Variants in MRGPRF observed in about 807,000 individuals in gnomAD.
The protein encoded by MRGPRF is MAS related GPR family member F, also known as mas-related G protein-coupled receptor member F.
Under a neutral mutation model 3.3 loss-of-function variants are expected in MRGPRF, and 2 were observed. The observed-to-expected ratio is 0.61, with a 90% CI of 0.25 to 1.92. The LOEUF is 1.92. MRGPRF is among the 40% of genes most tolerant of loss of function. The probability of loss-of-function intolerance (pLI) is 0.16; values close to 1 mark genes in which losing one functional copy is unlikely to be tolerated. For missense variants in MRGPRF, 500 were observed against 476.0 expected, an observed-to-expected ratio of 1.05 and a Z score of -0.47; for synonymous variants, 242 against 222.7, an observed-to-expected ratio of 1.09 and a Z score of -0.77.
rs1041626937 is a variant in MRGPRF, at chr11:69,004,662, G to A, written c.*616C>T. On this transcript the variant is annotated 3_prime_UTR_variant, in exon 3 of 3. Transcript: ENST00000309099. ...AGAAAAGGCAGGTCAACTACCCAAG[G>A]CGGCCAAAGGCCCTTCCTGTCTCCA... 10 of 152,230 alleles carry A rather than the reference G, an allele frequency of 6.6e-5. No individual in the cohort carries two copies. The highest frequency in any genetic ancestry group is 2.2e-4 in the African/African-American group (9 of 41,440). 9.4% of individuals were successfully genotyped at this position (152,230 alleles called of 1,614,324 possible).
chr11:69,009,644 T>C, intron 2 of MRGPRF: 1 of 677,242 alleles, frequency 1.5e-6, no homozygotes. Flanking sequence ...GTCCTGGTGC[T>C]TGCCTCACTG....
At chr11:69,011,295 G>T (rs969495047) in intron 1 of MRGPRF, among the ~76,000 whole-genome samples, 3 of 152,182 alleles carry the variant, frequency 2.0e-5, no homozygotes, top group Non-Finnish European at 4.4e-5. Flanking sequence ...TGGCCCCAGG[G>T]GCCGCTCCCA....
In MRGPRF at chr11:69,005,501, G is replaced by A. The variant is rs1179199456; in HGVS notation, c.809C>T (p.Pro270Leu). 5 of 1,580,712 alleles carry A rather than the reference G, an allele frequency of 3.2e-6. No individual in the cohort carries two copies. The Admixed American group carries it at 9.1e-5, about 29-fold the overall frequency. The change falls in exon 3 of 3, where the codon CCC becomes CTC. Residue 270 changes from proline to leucine, a missense_variant. By Grantham distance (98) the Pro-to-Leu change is moderately conservative (BLOSUM62 -3). Transcript: ENST00000309099. ...FLFWVFQIPA[P>L]FPEYVTDLCI... The stretch of plus-strand genomic sequence containing the variant: ...CAGGTCAGTGACGTACTCGGGGAAG[G>A]GGGCCGGGATCTGGAAGACCCAGAA...
In MRGPRF at chr11:69,005,906, G is replaced by T; in HGVS notation, c.404C>A (p.Pro135Gln). 1 of 1,573,336 alleles carries T rather than the reference G, an allele frequency of 6.4e-7. No individual in the cohort carries two copies. Among genetic ancestry groups the T allele is most frequent in the Non-Finnish European group, 8.6e-7 (1 of 1,160,224 alleles). ...CMFLTGVSLL[P>Q]AVSAERCASV... ...GGCGCAGCGCTCGGCGCTGACGGCC[G>T]GCAGGAGGCTCACGCCGGTAAGGAA... The change falls in exon 3 of 3, where the codon CCG (proline) becomes CAG (glutamine). Residue 135 changes from proline to glutamine, a missense_variant. Coordinates refer to ENST00000309099, the MANE Select transcript of MRGPRF (RefSeq NM_145015.5).
chr11:69,005,040 T>C lies in MRGPRF; in HGVS notation c.*238A>G. 2 of 519,688 alleles carry C rather than the reference T, an allele frequency of 3.8e-6. No homozygotes were observed. The highest frequency in any genetic ancestry group is 3.3e-6 in the Non-Finnish European group (1 of 304,692). The allele number at this position is 519,688 out of a possible 1,614,324, so 32.2% of individuals were successfully genotyped here. ...CTGGGGGCAACTTCTGTACAAGAGG[T>C]CTCTAGGGGAGCAGAATGGGTGGGG... On this transcript the variant is annotated 3_prime_UTR_variant, in exon 3 of 3. Coordinates refer to ENST00000309099, the MANE Select transcript of MRGPRF (RefSeq NM_145015.5).
intron 1 of MRGPRF, among the ~76,000 whole-genome samples, chr11:69,010,240 T>C (rs1309693000): frequency 2.0e-5 from 3 of 152,274 alleles, no homozygotes; most frequent in African/African-American, 7.2e-5. Context: ...GTGAGAGTTC[T>C]GGAGCCAGGC....
Position 69,006,277 on chromosome 11 carries a change from G to A in MRGPRF, c.49-16C>T, listed in dbSNP as rs1424838627. 6.3e-7 allele frequency: 1 copy of A among 1,587,202 alleles called. No individual in the cohort carries two copies. The highest frequency in any genetic ancestry group is 1.3e-5 in the African/African-American group (1 of 74,362). On this transcript the variant is annotated splice_polypyrimidine_tract_variant and intron_variant, in intron 2 of 2. Coordinates refer to ENST00000309099, the MANE Select transcript of MRGPRF (RefSeq NM_145015.5). ...CAGGGCACATCTGCGCAGGTGCAGA[G>A]AGGGACACCTGTGATGCCGGCTGGC...
intron 2 of MRGPRF, among the ~76,000 whole-genome samples, chr11:69,006,672 AGC>A (rs1324177061): frequency 8.0e-6 from 1 of 125,028 alleles, no homozygotes; most frequent in Non-Finnish European, 1.6e-5. Flanking sequence ...ACCAGGCTGG[AGC>A]GTGCAGTGGC....
chr11:69,009,767 G>A lies in MRGPRF; in HGVS notation c.48+87C>T, dbSNP rs773626302. 6 of 1,464,976 alleles carry A rather than the reference G, an allele frequency of 4.1e-6. No individual in the cohort carries two copies. The Admixed American group carries it at 5.1e-5, about 12-fold the overall frequency. The allele number at this position is 1,464,976 out of a possible 1,614,324, so 90.7% of individuals were successfully genotyped here. A position where few individuals can be genotyped will look rare whatever the true frequency, so the allele number is the denominator to read the frequency against. ...TGGAAAGTGGGGCCAGGAAGGGGGG[G>A]ATGGGGGAGGAGATGCTGGGCTGGG... On this transcript the variant is annotated intron_variant, in intron 2 of 2. Coordinates refer to ENST00000309099, the MANE Select transcript of MRGPRF (RefSeq NM_145015.5).
Position 69,005,885 on chromosome 11 carries a change from C to G in MRGPRF, c.425G>C (p.Cys142Ser), listed in dbSNP as rs1482803051. ...SLLPAVSAERCASVIFPAWYW... is the reference protein window; with the variant it reads ...SLLPAVSAERSASVIFPAWYW... ...CCAGGCGGGGAAGATGACCGAGGCGCAGCGCTCGGCGCTGACGGCCGGCAG... is the reference window on the plus strand; with the variant it reads ...CCAGGCGGGGAAGATGACCGAGGCGGAGCGCTCGGCGCTGACGGCCGGCAG... The change falls in exon 3 of 3, where the codon TGC becomes TCC. Residue 142 changes from cysteine to serine, a missense_variant. By Grantham distance (112) the Cys-to-Ser change is moderately radical. Transcript: ENST00000309099. 2.6e-6 allele frequency: 4 copies of G among 1,566,066 alleles called. No individual in the cohort carries two copies. Among genetic ancestry groups the G allele is most frequent in the Non-Finnish European group, 3.5e-6 (4 of 1,157,630 alleles).
intron 2 of MRGPRF, among the ~76,000 whole-genome samples, chr11:69,006,663 C>T (rs1429190258): frequency 7.4e-6 from 1 of 135,206 alleles, no homozygotes; most frequent in East Asian, 2.3e-4. Context: ...CACTCTGTCA[C>T]CAGGCTGGAG....
At chr11:69,012,127 A>T (rs564145991) in intron 1 of MRGPRF, among the ~76,000 whole-genome samples, 3 of 152,326 alleles carry the variant, frequency 2.0e-5, no homozygotes, top group Non-Finnish European at 4.4e-5. Flanking sequence ...TCTGGGTGGG[A>T]TCTGGGCTGC....
At chr11:69,007,592 G>A (rs1218682009) in intron 2 of MRGPRF, among the ~76,000 whole-genome samples, 1 of 152,356 alleles carries the variant, frequency 6.6e-6, no homozygotes, top group Non-Finnish European at 1.5e-5. Context: ...AAGGGTTAAC[G>A]ATGACTGAGC....
rs1378218490 is a variant in MRGPRF, at chr11:69,005,939, A to C, written c.371T>G (p.Leu124Arg). 6.4e-7 allele frequency: 1 copy of C among 1,573,472 alleles called. No individual in the cohort carries two copies. Among genetic ancestry groups the C allele is most frequent in the African/African-American group, 1.3e-5 (1 of 74,316 alleles). ...YIRSVCRVLG[L>R]CMFLTGVSLL... is the part of the protein sequence containing the mutation. ...GCTCACGCCGGTAAGGAACATGCAGAGCCCCAGGACCCGGCACACGCTGCG... is the reference window on the plus strand; with the variant it reads ...GCTCACGCCGGTAAGGAACATGCAGCGCCCCAGGACCCGGCACACGCTGCG... Residue 124 changes from leucine to arginine, a missense_variant, in exon 3 of 3, where the codon CTC (leucine) becomes CGC (arginine). Physicochemically the swap from Leu to Arg is moderately radical, Grantham distance 102. Transcript: ENST00000309099.
At chr11:69,009,590 C>T (rs1860552764) in intron 2 of MRGPRF, 1 of 605,814 alleles carries the variant, frequency 1.7e-6, no homozygotes. Context: ...AAGGATGCTA[C>T]AAGGCGACCA....
At position 69,005,988 on chromosome 11, in the gene MRGPRF, G is replaced by C. The variant is rs548194081; in HGVS notation, c.322C>G (p.Leu108Val). 1 of 1,565,612 alleles carries C rather than the reference G, an allele frequency of 6.4e-7. No individual in the cohort carries two copies. Among genetic ancestry groups the C allele is most frequent in the Non-Finnish European group, 8.7e-7 (1 of 1,155,082 alleles). The change falls in exon 3 of 3, where the codon CTG (leucine) becomes GTG (valine). Residue 108 changes from leucine to valine, a missense_variant. By Grantham distance (32) the Leu-to-Val change is conservative. Transcript: ENST00000309099. ...VFSILNTGGF[L>V]GTFADYIRSV... ...CGGATGTAGTCGGCAAACGTGCCCA[G>C]GAAGCCCCCCGTGTTCAGGATGGAG... is the stretch of plus-strand genomic sequence containing the variant.
At position 69,006,687 on chromosome 11, in the gene MRGPRF, G is replaced by T. The variant is rs555489583; in HGVS notation, c.49-426C>A. ...ACCAGGCTGGAGCGTGCAGTGGCAC[G>T]ATCTCGGCTCACTGCAACCTCTGCC... On this transcript the variant is annotated intron_variant, in intron 2 of 2. Coordinates refer to ENST00000309099, the MANE Select transcript of MRGPRF (RefSeq NM_145015.5). Among the ~76,000 whole-genome samples, 6 of 138,654 alleles carry T rather than the reference G, an allele frequency of 4.3e-5. No homozygotes were observed. The East Asian group carries it at 1.4e-3, about 31-fold the overall frequency. The allele number at this position is 138,654 out of a possible 152,430, so 91.0% of individuals were successfully genotyped here.
chr11:69,010,713 G>A (rs1320568584), intron 1 of MRGPRF, among the ~76,000 whole-genome samples: 1 of 152,192 alleles, frequency 6.6e-6, no homozygotes, highest in East Asian at 1.9e-4. Context: ...CGTAGGGAGG[G>A]ACTGCTGGCA....
Position 69,005,122 on chromosome 11 carries a change from C to T in MRGPRF, c.*156G>A, listed in dbSNP as rs1198344331. ...TGGTGGCTGCCCAGTCTCCCAGCCA[C>T]CCCTGGAGTCCCCAGCCCAGGGAGA... On this transcript the variant is annotated 3_prime_UTR_variant, in exon 3 of 3. Transcript: ENST00000309099. 3.1e-6 allele frequency: 3 copies of T among 972,186 alleles called. No homozygotes were observed. The highest frequency in any genetic ancestry group is 3.2e-5 in the Admixed American group (1 of 31,358). 60.2% of individuals were successfully genotyped at this position (972,186 alleles called of 1,614,324 possible).
Sources: allele counts gnomAD v4.1 joint callset (sites outside exome capture counted in the v4.1 genomes callset), GRCh38; gene constraint gnomAD v4.1.1; transcripts MANE v1.5; gene names NCBI Gene and HGNC (gene_info 2026-07-23, HGNC 2026-07-21).